NELL2: variants seen among roughly 807,000 people sequenced by gnomAD.
The protein encoded by NELL2 is protein kinase C-binding protein NELL2.
In NELL2, 41 loss-of-function variants were observed where a neutral mutation model predicts 109.6. The ratio of observed to expected loss-of-function variants is 0.37; its 90% CI spans 0.29 to 0.49. The LOEUF (loss-of-function observed/expected upper bound fraction) is 0.49. Ranked by LOEUF, NELL2 falls within the 20% of genes least tolerant of loss-of-function variation. The pLI, the probability that NELL2 is intolerant of heterozygous loss-of-function variation, is 0.98. For synonymous variants in NELL2, 355 were observed against 344.7 expected (o/e 1.03, Z -0.33); for missense variants, 900 against 1,008.3 (o/e 0.89, Z 1.45).
intron 13 of NELL2, among the ~76,000 whole-genome samples, chr12:44,656,011 A>G (rs1947485871): frequency 6.6e-6 from 1 of 152,234 alleles, no homozygotes; most frequent in African/African-American, 2.4e-5. Flanking sequence ...AGTCATTTCC[A>G]ATAATGATGG....
At chr12:44,698,770 T>C (rs2136410992) in intron 12 of NELL2, among the ~76,000 whole-genome samples, 1 of 152,336 alleles carries the variant, frequency 6.6e-6, no homozygotes, top group East Asian at 1.9e-4. Context: ...TATAATTATG[T>C]GTGACATGCA....
In NELL2 at chr12:44,751,956, T is replaced by TA. The variant is rs777614248; in HGVS notation, c.994+22790dup. Among the ~76,000 whole-genome samples, 759 of 142,674 alleles carry TA rather than the reference T, an allele frequency of 5.3e-3. 5 individuals carry two copies. The highest frequency in any genetic ancestry group is 0.014 in the African/African-American group (526 of 38,888). The allele number at this position is 142,674 out of a possible 152,430, so 93.6% of individuals were successfully genotyped here. ...CTCACACTAACAATAGCTTATGAGC[T>TA]AAAAAAAAAAAAGTCACAAAAAAGT... On this transcript the variant is annotated intron_variant, in intron 9 of 19. Coordinates refer to ENST00000429094, the MANE Select transcript of NELL2 (RefSeq NM_001145108.2).
At chr12:44,802,069 T>C (rs1031033881) in intron 3 of NELL2, among the ~76,000 whole-genome samples, 3 of 152,100 alleles carry the variant, frequency 2.0e-5, no homozygotes, top group African/African-American at 7.2e-5. Context: ...TTTGTACCGT[T>C]TTCATATTTA....
intron 12 of NELL2, among the ~76,000 whole-genome samples, chr12:44,674,915 T>C (rs1254423051): frequency 1.3e-5 from 2 of 152,226 alleles, no homozygotes; most frequent in Non-Finnish European, 2.9e-5. Context: ...CTATGTCCTT[T>C]GGAATATAAG....
chr12:44,563,745 G>A (rs188041609), intron 15 of NELL2, among the ~76,000 whole-genome samples: 58 of 152,154 alleles, frequency 3.8e-4, no homozygotes, highest in Non-Finnish European at 7.3e-4. Flanking sequence ...CTGTCAGTTC[G>A]TTGATACTTT....
At chr12:44,787,868 A>T (rs1942238310) in intron 3 of NELL2, among the ~76,000 whole-genome samples, 1 of 152,184 alleles carries the variant, frequency 6.6e-6, no homozygotes, top group African/African-American at 2.4e-5. Context: ...GGATAAAAAA[A>T]GGATAAAATG....
At chr12:44,724,745 G>GA (rs539460258) in intron 9 of NELL2, among the ~76,000 whole-genome samples, 31 of 82,424 alleles carry the variant, frequency 3.8e-4, no homozygotes, top group South Asian at 7.1e-4. Context: ...CACAGAACTA[G>GA]AAAAAAAAAA....
intron 16 of NELL2, among the ~76,000 whole-genome samples, chr12:44,525,770 T>C (rs181808587): frequency 2.8e-4 from 42 of 152,330 alleles, no homozygotes; most frequent in African/African-American, 9.6e-4. Flanking sequence ...AGCAGAGCAT[T>C]TGACACAACT....
chr12:44,810,322 C>A (rs1943132509), intron 3 of NELL2, among the ~76,000 whole-genome samples: 1 of 152,064 alleles, frequency 6.6e-6, no homozygotes, highest in East Asian at 1.9e-4. Flanking sequence ...ATATTTTACA[C>A]AAACACACAA....
chr12:44,685,703 A>G (rs1001086841), intron 12 of NELL2, among the ~76,000 whole-genome samples: 19 of 152,140 alleles, frequency 1.2e-4, no homozygotes, highest in East Asian at 7.8e-4. Context: ...ATGAAATTCT[A>G]GGTTGAAAAT....
intron 12 of NELL2, among the ~76,000 whole-genome samples, chr12:44,702,480 T>C (rs1949259524): frequency 6.6e-6 from 1 of 152,176 alleles, no homozygotes; most frequent in Admixed American, 6.6e-5. Context: ...AAACAAAGTA[T>C]CACATGAATT....
chr12:44,622,641 C>T (rs1946100230), intron 13 of NELL2, among the ~76,000 whole-genome samples: 1 of 152,080 alleles, frequency 6.6e-6, no homozygotes, highest in Non-Finnish European at 1.5e-5. Flanking sequence ...GACAGTCTTT[C>T]CAATGAATTT....
chr12:44,919,087 C>T (rs1475937336), upstream of NELL2, among the ~76,000 whole-genome samples: 3 of 152,198 alleles, frequency 2.0e-5, no homozygotes, highest in Admixed American at 6.5e-5. Context: ...TTTCTTCGAA[C>T]GTGAGAAAAT....
At chr12:44,656,862 G>A (rs1218522868) in intron 13 of NELL2, among the ~76,000 whole-genome samples, 1 of 152,202 alleles carries the variant, frequency 6.6e-6, no homozygotes, top group Non-Finnish European at 1.5e-5. Flanking sequence ...TAGCTGATAT[G>A]AAGGTATTGT....
At chr12:44,692,605 A>G (rs1948936201) in intron 12 of NELL2, among the ~76,000 whole-genome samples, 1 of 152,190 alleles carries the variant, frequency 6.6e-6, no homozygotes, top group South Asian at 2.1e-4. Context: ...TCTGGGGAAG[A>G]TTCACCATTC....
intron 11 of NELL2, among the ~76,000 whole-genome samples, chr12:44,709,488 T>C (rs1361040190): frequency 6.6e-6 from 1 of 152,144 alleles, no homozygotes; most frequent in Admixed American, 6.6e-5. Context: ...CCCTACAGCA[T>C]TGAATGACCC....
At chr12:44,655,979 TG>T (rs1374489347) in intron 13 of NELL2, among the ~76,000 whole-genome samples, 1 of 152,202 alleles carries the variant, frequency 6.6e-6, no homozygotes, top group African/African-American at 2.4e-5. Context: ...AAATTTGAAA[TG>T]GTTGTTCACA....
chr12:44,918,082 T>G (rs748032290), upstream of NELL2, among the ~76,000 whole-genome samples: 3 of 152,246 alleles, frequency 2.0e-5, no homozygotes, highest in Non-Finnish European at 4.4e-5. Flanking sequence ...CCACTTGACC[T>G]AAATTTTCTT....
At chr12:44,597,816 T>G (rs1031607143) in intron 15 of NELL2, among the ~76,000 whole-genome samples, 2 of 151,818 alleles carry the variant, frequency 1.3e-5, no homozygotes, top group African/African-American at 4.8e-5. Flanking sequence ...AAAAGAAAAC[T>G]AAAGGAAAGG....
Sources: allele counts gnomAD v4.1 joint callset (sites outside exome capture counted in the v4.1 genomes callset), GRCh38; gene constraint gnomAD v4.1.1; transcripts MANE v1.5; gene names NCBI Gene and HGNC (gene_info 2026-07-23, HGNC 2026-07-21).